ASAP1: variants seen among roughly 807,000 people sequenced by gnomAD.
The protein encoded by ASAP1 is arf-GAP with SH3 domain, ANK repeat and PH domain-containing protein 1.
Under a neutral mutation model 145.2 loss-of-function variants are expected in ASAP1, and 43 were observed. The ratio of observed to expected loss-of-function variants is 0.30; its 90% confidence interval spans 0.23 to 0.38. The LOEUF is 0.38. Ranked by LOEUF, ASAP1 falls within the 10% of genes least tolerant of loss-of-function variation. ASAP1 has a pLI of 1.00. For missense variants in ASAP1, 1,018 were observed against 1,355.3 expected, an observed-to-expected ratio of 0.75 and a Z score of 3.91; for synonymous variants, 546 against 515.5, an observed-to-expected ratio of 1.06 and a Z score of -0.80.
At chr8:130,193,432 T>A (rs1475365962) in intron 5 of ASAP1, among the ~76,000 whole-genome samples, 1 of 152,086 alleles carries the variant, frequency 6.6e-6, no homozygotes, top group Non-Finnish European at 1.5e-5. Context: ...CTTTAATTAT[T>A]TCTGAAATAA....
rs180939877 is a variant in ASAP1, at chr8:130,324,573, A to G, written c.186+33444T>C. Among the ~76,000 whole-genome samples, 376 of 152,338 alleles carry G rather than the reference A, an allele frequency of 2.5e-3. 2 individuals carry two copies. The highest frequency in any genetic ancestry group is 8.9e-3 in the African/African-American group (369 of 41,580). ...CATCAAATAACCAAGAACTGACAAT[A>G]CATGCAATGGATGACTCAGATGTGT... On this transcript the variant is annotated intron_variant, in intron 3 of 29. Transcript: ENST00000518721.
chr8:130,152,926 C>A, intron 12 of ASAP1, 121 bp from the exon 13 acceptor site: 1 of 682,110 alleles, frequency 1.5e-6, no homozygotes, highest in South Asian at 3.3e-5. Flanking sequence ...AAATCCAACC[C>A]CCCCAAAAAA....
At chr8:130,303,565 A>T (rs753143429) in intron 3 of ASAP1, among the ~76,000 whole-genome samples, 9 of 152,158 alleles carry the variant, frequency 5.9e-5, no homozygotes, top group Non-Finnish European at 1.2e-4. Context: ...ACAATGGAAT[A>T]TTATTTTTAT....
At chr8:130,372,388 C>T (rs1440685700) in intron 2 of ASAP1, among the ~76,000 whole-genome samples, 1 of 152,220 alleles carries the variant, frequency 6.6e-6, no homozygotes, top group Non-Finnish European at 1.5e-5. Context: ...TAAAATTCCA[C>T]AATAATGTTC....
chr8:130,061,288 A>G (rs2097419004), intron 27 of ASAP1, among the ~76,000 whole-genome samples: 1 of 152,236 alleles, frequency 6.6e-6, no homozygotes, highest in Admixed American at 6.5e-5. Context: ...CAATTATATA[A>G]GAACAGGATG....
At chr8:130,259,294 T>A (rs1161994373) in intron 3 of ASAP1, among the ~76,000 whole-genome samples, 1 of 152,232 alleles carries the variant, frequency 6.6e-6, no homozygotes, top group East Asian at 1.9e-4. Flanking sequence ...TCTTCTATTT[T>A]CTACTCCTTT....
chr8:130,057,691 A>G (rs374779393), intron 29 of ASAP1, among the ~76,000 whole-genome samples: 3 of 152,302 alleles, frequency 2.0e-5, no homozygotes, highest in African/African-American at 7.2e-5. Context: ...CTCGAGATCC[A>G]TCCGCCTCAG....
At chr8:130,247,533 AAAC>A (rs910295082) in intron 3 of ASAP1, among the ~76,000 whole-genome samples, 62 of 152,056 alleles carry the variant, frequency 4.1e-4, no homozygotes, top group South Asian at 1.2e-3. Flanking sequence ...CCTTAAAAAA[AAAC>A]AACAACAAGG....
intron 18 of ASAP1, among the ~76,000 whole-genome samples, chr8:130,123,587 AAAACAAAC>A (rs74656989): frequency 2.0e-5 from 3 of 151,936 alleles, no homozygotes; most frequent in Admixed American, 6.6e-5. Flanking sequence ...TTTGCTCTGG[AAAACAAAC>A]AAACAAACAA....
At chr8:130,092,838 C>G (rs934433868) in intron 24 of ASAP1, among the ~76,000 whole-genome samples, 1 of 151,588 alleles carries the variant, frequency 6.6e-6, no homozygotes, top group African/African-American at 2.4e-5. Context: ...CAGGCTAAGC[C>G]TTCACTGGGC....
At chr8:130,103,573 G>A (rs529740780) in intron 24 of ASAP1, among the ~76,000 whole-genome samples, 33 of 151,958 alleles carry the variant, frequency 2.2e-4, no homozygotes, top group Non-Finnish European at 4.4e-4. Context: ...ACGCGATCTC[G>A]GCTCACTACA....
intron 24 of ASAP1, among the ~76,000 whole-genome samples, chr8:130,093,450 T>C (rs2097510025): frequency 6.6e-6 from 1 of 152,074 alleles, no homozygotes. Context: ...GCAGATCACT[T>C]GAGGTCAGGA....
intron 5 of ASAP1, among the ~76,000 whole-genome samples, chr8:130,196,075 C>T (rs751463261): frequency 1.3e-5 from 2 of 152,208 alleles, no homozygotes; most frequent in Non-Finnish European, 2.9e-5. Context: ...GGCACAGTGG[C>T]TCACGCCTGT....
At chr8:130,122,066 T>C (rs1228909250) in intron 18 of ASAP1, among the ~76,000 whole-genome samples, 1 of 152,106 alleles carries the variant, frequency 6.6e-6, no homozygotes, top group East Asian at 1.9e-4. Context: ...GCCTGGCTGC[T>C]TCCCCCCAGG....
At chr8:130,409,175 T>C (rs545241769) in intron 1 of ASAP1, among the ~76,000 whole-genome samples, 2 of 151,722 alleles carry the variant, frequency 1.3e-5, no homozygotes, top group East Asian at 3.9e-4. Context: ...GGCAGGAAAA[T>C]AGCTTGAACC....
intron 1 of ASAP1, among the ~76,000 whole-genome samples, chr8:130,432,994 G>A (rs958777474): frequency 3.9e-5 from 6 of 152,168 alleles, no homozygotes; most frequent in African/African-American, 1.2e-4. Context: ...ACTCGCCCCC[G>A]CAGTATGCTG....
intron 3 of ASAP1, among the ~76,000 whole-genome samples, chr8:130,246,192 G>A (rs1818843478): frequency 6.6e-6 from 1 of 152,044 alleles, no homozygotes; most frequent in African/African-American, 2.4e-5. Flanking sequence ...CCCCCCCATG[G>A]GAAAAGCAGA....
intron 4 of ASAP1, among the ~76,000 whole-genome samples, chr8:130,232,725 A>G (rs1817985696): frequency 6.6e-6 from 1 of 152,204 alleles, no homozygotes; most frequent in East Asian, 1.9e-4. Context: ...AAGCTTCACA[A>G]TGTTTAGCCA....
intron 3 of ASAP1, among the ~76,000 whole-genome samples, chr8:130,328,546 A>G (rs894543513): frequency 2.6e-5 from 4 of 151,966 alleles, no homozygotes; most frequent in African/African-American, 9.7e-5. Context: ...TTTTCATGAG[A>G]GATGTGGGCA....
Sources: gnomAD v4.1 joint callset for allele counts (sites outside exome capture counted in the v4.1 genomes callset) on GRCh38, gnomAD v4.1.1 for gene constraint, MANE v1.5 for transcripts, NCBI Gene and HGNC (gene_info 2026-07-23, HGNC 2026-07-21) for gene names.